Variants in CRYBG1 observed in about 807,000 individuals in gnomAD.
CRYBG1 encodes the protein beta/gamma crystallin domain-containing protein 1.
CRYBG1 carries 139 observed loss-of-function variants against 189.2 expected under a neutral mutation model. The ratio of observed to expected loss-of-function variants is 0.73; its 90% confidence interval spans 0.64 to 0.85. The LOEUF is 0.85. Ranked by LOEUF, CRYBG1 falls within the 40% of genes least tolerant of loss-of-function variation. The pLI is 0.00. For missense variants in CRYBG1, 2,611 were observed against 2,675.8 expected (o/e 0.98, Z 0.53); for synonymous variants, 1,023 against 1,017.1 (o/e 1.01, Z -0.11).
intron 2 of CRYBG1, among the ~76,000 whole-genome samples, chr6:106,464,650 G>A (rs767773959): frequency 2.6e-5 from 4 of 152,150 alleles, no homozygotes; most frequent in Non-Finnish European, 4.4e-5. Context: ...TCTGAGCATT[G>A]ATGCTATAAC....
chr6:106,483,401 T>TATATATATATATATATATA, intron 2 of CRYBG1, among the ~76,000 whole-genome samples: 6 of 95,684 alleles, frequency 6.3e-5, no homozygotes, highest in South Asian at 3.4e-4. Flanking sequence ...GATATATATA[T>TATATATATATATATATATA]AAAACATTTT....
Position 106,543,513 on chromosome 6 carries a change from TG to T in CRYBG1, c.4957del (p.Glu1653ArgfsTer22), listed in dbSNP as rs757644312. On this transcript the variant is annotated frameshift_variant, in exon 11 of 22. Coordinates refer to ENST00000633556, the MANE Select transcript of CRYBG1 (RefSeq NM_001371242.2). LOFTEE classifies it high-confidence loss of function. ...ELETGMCSFV[M>X]EGGETEEATG... is the part of the protein sequence containing the mutation. ...GAAACAGGAATGTGTAGTTTTGTCA[TG>T]GAGGGAGGTGAAACAGAAGAGGCGA... 6.2e-7 allele frequency: 1 copy of T among 1,614,068 alleles called. No individual in the cohort carries two copies. Among genetic ancestry groups the T allele is most frequent in the Admixed American group, 1.7e-5 (1 of 60,018 alleles).
chr6:106,542,335 T>C (rs1178788107), intron 10 of CRYBG1, among the ~76,000 whole-genome samples: 1 of 148,012 alleles, frequency 6.8e-6, no homozygotes. Flanking sequence ...CAGGCTGGTA[T>C]ACAGTGGCAC....
rs538096008 is a variant in CRYBG1, at chr6:106,371,555, A to G, written c.173+10474A>G. Among the ~76,000 whole-genome samples the G allele has an allele frequency of 1.1e-4, 17 of 152,328 alleles. No homozygotes were observed. The East Asian group carries it at 2.7e-3, about 24-fold the overall frequency. On this transcript the variant is annotated intron_variant, in intron 1 of 21. Coordinates refer to ENST00000633556, the MANE Select transcript of CRYBG1 (RefSeq NM_001371242.2). ...GTTACTGCAAGGGTGGGATTACCGA[A>G]CTATTCTCTTTTGTATTGGCTATCC...
At chr6:106,499,986 C>T (rs1039733374) in intron 2 of CRYBG1, among the ~76,000 whole-genome samples, 1 of 152,172 alleles carries the variant, frequency 6.6e-6, no homozygotes, top group Non-Finnish European at 1.5e-5. Flanking sequence ...ATAGTGTTCC[C>T]AATGACAGAA....
chr6:106,544,925 G>T lies in CRYBG1; in HGVS notation c.5304G>T (p.Leu1768=). 4 of 1,595,756 alleles carry T rather than the reference G, an allele frequency of 2.5e-6. No homozygotes were observed. Among genetic ancestry groups the T allele is most frequent in the Non-Finnish European group, 3.4e-6 (4 of 1,175,304 alleles). The part of the protein sequence containing the change: ...YGVKTQSINV[L]SGVWVAYENP... ...TGAAGACACAGTCTATTAATGTACT[G>T]AGTGGAGTGTAAGTGAAATAATCCA... Residue 1768 remains leucine, a synonymous_variant, in exon 13 of 22, where the codon CTG becomes CTT. Transcript: ENST00000633556.
intron 2 of CRYBG1, among the ~76,000 whole-genome samples, chr6:106,452,264 A>T (rs7763829): frequency 0.59 from 82,984 of 140,224 alleles, 24,893 homozygotes; most frequent in East Asian, 0.9. Flanking sequence ...AAAAAAAAAA[A>T]ACAAAAAAAT....
At chr6:106,542,901 G>A (rs977349049) in intron 10 of CRYBG1, among the ~76,000 whole-genome samples, 1 of 146,044 alleles carries the variant, frequency 6.8e-6, no homozygotes, top group East Asian at 2.1e-4. Flanking sequence ...CTCCTGCCTT[G>A]GCCTCCCAAA....
At chr6:106,537,957 G>A (rs150653791) in intron 8 of CRYBG1, among the ~76,000 whole-genome samples, 75 of 152,304 alleles carry the variant, frequency 4.9e-4, no homozygotes, top group African/African-American at 1.6e-3. Context: ...CCAAAAATGT[G>A]CCTTGGGCCA....
intron 8 of CRYBG1, among the ~76,000 whole-genome samples, chr6:106,532,463 A>G (rs961161184): frequency 4.6e-5 from 7 of 152,120 alleles, no homozygotes; most frequent in Admixed American, 1.3e-4. Context: ...TCTATTTTTA[A>G]TTTTTTGAGG....
At chr6:106,563,678 A>T in intron 20 of CRYBG1, 86 bp from the exon 21 acceptor site, 1 of 1,394,366 alleles carries the variant, frequency 7.2e-7, no homozygotes, top group Non-Finnish European at 9.7e-7. Context: ...AGATAATTTT[A>T]AAGCCCAATG....
Position 106,519,215 on chromosome 6 carries a change from C to G in CRYBG1, c.2007C>G (p.Ser669Arg). The change falls in exon 4 of 22, where the codon AGC (serine) becomes AGG (arginine). Residue 669 changes from serine to arginine, a missense_variant. By Grantham distance (110) the Ser-to-Arg change is moderately radical. This residue lies in a region of CRYBG1 where 985 missense variants were observed against 924.4 expected (regional missense o/e 1.07). Transcript: ENST00000633556. ...TGGGAAATGAGCACAATCCATTTAG[C>G]CAGCCAGTTCACAAAGGCAACACTG... ...DSLGNEHNPFSQPVHKGNTAT... is the reference protein window; with the variant it reads ...DSLGNEHNPFRQPVHKGNTAT... 1 of 1,614,066 alleles carries G rather than the reference C, an allele frequency of 6.2e-7. No individual in the cohort carries two copies. The highest frequency in any genetic ancestry group is 8.5e-7 in the Non-Finnish European group (1 of 1,180,016).
intron 2 of CRYBG1, among the ~76,000 whole-genome samples, chr6:106,455,986 A>C (rs1771880771): frequency 6.6e-6 from 1 of 152,004 alleles, no homozygotes; most frequent in African/African-American, 2.4e-5. Flanking sequence ...ACTTGTCTGA[A>C]TCTTAGTTCT....
intron 3 of CRYBG1, among the ~76,000 whole-genome samples, chr6:106,515,682 A>C (rs1265321723): frequency 6.6e-6 from 1 of 152,146 alleles, no homozygotes; most frequent in East Asian, 1.9e-4. Flanking sequence ...ATGGGCCTGC[A>C]ATAAGGGAGC....
intron 1 of CRYBG1, 84 bp downstream of exon 1, chr6:106,361,165 C>G (rs1771860596): frequency 2.1e-6 from 3 of 1,414,784 alleles, no homozygotes; most frequent in African/African-American, 1.5e-5. Flanking sequence ...CTCCTGACCC[C>G]ACTTGGAGGA....
intron 1 of CRYBG1, among the ~76,000 whole-genome samples, chr6:106,367,974 G>A (rs1401571925): frequency 6.6e-6 from 1 of 152,042 alleles, no homozygotes; most frequent in Non-Finnish European, 1.5e-5. Context: ...TAATAAATGA[G>A]TACATCTTTT....
At chr6:106,418,427 AC>A (rs1156512388) in intron 1 of CRYBG1, among the ~76,000 whole-genome samples, 2 of 152,218 alleles carry the variant, frequency 1.3e-5, no homozygotes, top group Non-Finnish European at 2.9e-5. Flanking sequence ...GTGGGGTTTT[AC>A]CGGGGACCCA....
At chr6:106,510,377 T>C (rs1432991560) in intron 2 of CRYBG1, among the ~76,000 whole-genome samples, 1 of 152,342 alleles carries the variant, frequency 6.6e-6, no homozygotes, top group East Asian at 1.9e-4. Context: ...ACCGCGCCCA[T>C]TGGCGGGTTT....
Position 106,520,715 on chromosome 6 carries a change from A to G in CRYBG1, c.3507A>G (p.Pro1169=). 6.2e-7 allele frequency: 1 copy of G among 1,614,196 alleles called. No individual in the cohort carries two copies. Among genetic ancestry groups the G allele is most frequent in the Non-Finnish European group, 8.5e-7 (1 of 1,180,022 alleles). ...FGLGKKKESQ[P]EMSPALHLMQ... Reference sequence around the variant, plus strand: ...TGGGGAAGAAGAAGGAAAGTCAGCCAGAAATGTCACCGGCTTTACATTTGA... The same window carrying G: ...TGGGGAAGAAGAAGGAAAGTCAGCCGGAAATGTCACCGGCTTTACATTTGA... The change falls in exon 4 of 22, where the codon CCA becomes CCG. Residue 1169 remains proline, a synonymous_variant. Transcript: ENST00000633556.
Sources: gnomAD v4.1 joint callset for allele counts (sites outside exome capture counted in the v4.1 genomes callset) on GRCh38, gnomAD v4.1.1 for gene constraint, gnomAD v4.1.1 regional missense constraint, MANE v1.5 for transcripts, NCBI Gene and HGNC (gene_info 2026-07-23, HGNC 2026-07-21) for gene names.